OXNAD1: variants seen among roughly 807,000 people sequenced by gnomAD.
The protein encoded by OXNAD1 is oxidoreductase NAD binding domain containing 1, also known as oxidoreductase NAD-binding domain-containing protein 1.
Under a neutral mutation model 32.9 loss-of-function variants are expected in OXNAD1, and 34 were observed. That is an observed-to-expected ratio of 1.03 (90% CI 0.79 to 1.38). The LOEUF is 1.38. Among genes scored for constraint, OXNAD1 ranks in the 40% most tolerant of loss-of-function variants. The probability of loss-of-function intolerance (pLI) is 0.00; values close to 1 mark genes in which losing one functional copy is unlikely to be tolerated. For missense variants in OXNAD1, 407 were observed against 379.4 expected, an observed-to-expected ratio of 1.07 and a Z score of -0.60; for synonymous variants, 134 against 135.2, an observed-to-expected ratio of 0.99 and a Z score of 0.06.
At chr3:16,318,612 T>C (rs940711309) in intron 9 of OXNAD1, among the ~76,000 whole-genome samples, 1 of 67,052 alleles carries the variant, frequency 1.5e-5, no homozygotes, top group Non-Finnish European at 4.3e-5. Flanking sequence ...TAATACATTA[T>C]AGGATTCTTG....
rs1460339347 is a variant in OXNAD1 at position 16,288,708 on chromosome 3, G to C, written c.290+2260G>C. Among the ~76,000 whole-genome samples, 1 of 152,164 alleles carries C rather than the reference G, an allele frequency of 6.6e-6. No individual in the cohort carries two copies. The highest frequency in any genetic ancestry group is 1.9e-4 in the East Asian group (1 of 5,204). On this transcript the variant is annotated intron_variant, in intron 5 of 8. Transcript: ENST00000285083. The surrounding 1 kb of genome is among the most constrained non-coding windows in gnomAD (Gnocchi z 5.1). The stretch of plus-strand genomic sequence containing the variant: ...CCACCTCAAAACATCTCTCACATGA[G>C]CAGGGTTGAACTTCTTGGTTCATCT...
chr3:16,279,045 T>C (rs928273601), intron 4 of OXNAD1, among the ~76,000 whole-genome samples: 8 of 152,248 alleles, frequency 5.3e-5, no homozygotes, highest in African/African-American at 1.9e-4. Context: ...ACATGCACTG[T>C]TTCTCAACAG....
intron 6 of OXNAD1, among the ~76,000 whole-genome samples, chr3:16,296,535 G>C (rs2066809413): frequency 6.6e-6 from 1 of 152,112 alleles, no homozygotes. Flanking sequence ...TGAAAAAGAA[G>C]AATAAAGTGA....
chr3:16,294,202 C>CTT (rs200164799), intron 5 of OXNAD1, among the ~76,000 whole-genome samples: 3 of 144,172 alleles, frequency 2.1e-5, no homozygotes, highest in Admixed American at 6.9e-5. Context: ...CTGAGCCTTT[C>CTT]TTTTTTTTTT....
chr3:16,276,261 C>T, intron 4 of OXNAD1: 1 of 232,810 alleles, frequency 4.3e-6, no homozygotes, highest in South Asian at 5.6e-5. Context: ...TTTTTCTTTG[C>T]CTCATTTAAT....
intron 9 of OXNAD1, among the ~76,000 whole-genome samples, chr3:16,319,167 G>A (rs13320451): frequency 0.24 from 35,835 of 152,008 alleles, 5,893 homozygotes; most frequent in African/African-American, 0.48. Context: ...AACAGTCAGA[G>A]CCTCTTCACA....
chr3:16,338,817 TA>T (rs1032785165), downstream of OXNAD1, among the ~76,000 whole-genome samples: 2 of 152,220 alleles, frequency 1.3e-5, no homozygotes, highest in African/African-American at 4.8e-5. This position sits in a 1 kb window ranked among gnomAD's most constrained non-coding sequence, Gnocchi z 5.3. Context: ...CCAAAGTGTA[TA>T]ATTAAAAAGT....
chr3:16,281,725 G>A (rs1020185438), intron 4 of OXNAD1, among the ~76,000 whole-genome samples: 1 of 151,970 alleles, frequency 6.6e-6, no homozygotes, highest in African/African-American at 2.4e-5. Flanking sequence ...GCACTTGATC[G>A]TGACGCATTC....
chr3:16,313,223 T>G (rs2068098364), intron 9 of OXNAD1, among the ~76,000 whole-genome samples: 7 of 150,046 alleles, frequency 4.7e-5, no homozygotes. Flanking sequence ...TTTTTTTTTT[T>G]GCAGAGGCAA....
At chr3:16,326,696 G>T (rs544519382) in intron 9 of OXNAD1, 2 of 1,053,924 alleles carry the variant, frequency 1.9e-6, no homozygotes, top group Non-Finnish European at 2.9e-6. Flanking sequence ...ATTTATAGAC[G>T]TGAGGTGCTC....
intron 9 of OXNAD1, among the ~76,000 whole-genome samples, chr3:16,313,956 C>T (rs896650656): frequency 6.6e-6 from 1 of 152,186 alleles, no homozygotes; most frequent in Non-Finnish European, 1.5e-5. Flanking sequence ...TGGTGCTAAA[C>T]TTCACCCACT....
At chr3:16,293,145 C>T (rs1017135884) in intron 5 of OXNAD1, among the ~76,000 whole-genome samples, 2 of 152,184 alleles carry the variant, frequency 1.3e-5, no homozygotes, top group Non-Finnish European at 2.9e-5. Context: ...TTAAGTCTGC[C>T]ATGCCATGAA....
rs2068545183 is a variant in OXNAD1, at chr3:16,317,558, C to T, written c.*30+13966C>T. Among the ~76,000 whole-genome samples, 1 of 152,138 alleles carries T rather than the reference C, an allele frequency of 6.6e-6. No homozygotes were observed. The highest frequency in any genetic ancestry group is 2.4e-5 in the African/African-American group (1 of 41,418). ...CCTAAAGTCCTATCATTTGGAGGGCCAGGATGGAGAGGAGATGTGAGGCCT... is the reference window on the plus strand; with the variant it reads ...CCTAAAGTCCTATCATTTGGAGGGCTAGGATGGAGAGGAGATGTGAGGCCT... On this transcript the variant is annotated intron_variant, in intron 9 of 9. Coordinates refer to the OXNAD1 transcript ENST00000435829. This position sits in a 1 kb window ranked among gnomAD's most constrained non-coding sequence, Gnocchi z 4.3.
intron 6 of OXNAD1, among the ~76,000 whole-genome samples, chr3:16,296,973 A>C (rs893769573): frequency 6.6e-6 from 1 of 151,896 alleles, no homozygotes; most frequent in African/African-American, 2.4e-5. Flanking sequence ...AAGATCCATC[A>C]AAAAAAAGGT....
chr3:16,269,098 T>C (rs1041368815), intron 1 of OXNAD1, 28 bp from the exon 2 acceptor site: 92 of 1,421,996 alleles, frequency 6.5e-5, no homozygotes, highest in Non-Finnish European at 8.1e-5. Flanking sequence ...CCCCAAAACA[T>C]TGTTATATGT....
intron 9 of OXNAD1, among the ~76,000 whole-genome samples, chr3:16,331,156 CTTGCCTTT>C (rs955045524): frequency 2.6e-5 from 4 of 152,154 alleles, no homozygotes; most frequent in African/African-American, 9.7e-5. Flanking sequence ...GGACTGAGAC[CTTGCCTTT>C]CACCAATTAG....
intron 4 of OXNAD1, among the ~76,000 whole-genome samples, chr3:16,273,807 T>A (rs181813254): frequency 6.6e-6 from 1 of 152,220 alleles, no homozygotes; most frequent in African/African-American, 2.4e-5. Context: ...AGGAAACATA[T>A]CTATTTCTCA....
intron 4 of OXNAD1, among the ~76,000 whole-genome samples, chr3:16,273,664 C>T (rs1266708238): frequency 6.6e-6 from 1 of 152,168 alleles, no homozygotes; most frequent in African/African-American, 2.4e-5. Context: ...GCTGGGATTA[C>T]AGGCATGAGC....
At chr3:16,323,622 T>C (rs2069338012) in intron 9 of OXNAD1, among the ~76,000 whole-genome samples, 1 of 152,156 alleles carries the variant, frequency 6.6e-6, no homozygotes, top group Non-Finnish European at 1.5e-5. Context: ...CCATCCAACC[T>C]TGCTTCCGAG....
Sources: gnomAD v4.1 joint callset for allele counts (sites outside exome capture counted in the v4.1 genomes callset) on GRCh38, gnomAD v4.1.1 for gene constraint, Gnocchi (gnomAD v3.1) non-coding constraint, MANE v1.5 for transcripts, NCBI Gene and HGNC (gene_info 2026-07-23, HGNC 2026-07-21) for gene names.